The following ADARB1 variants were observed in gnomAD, a reference collection of about 807,000 sequenced individuals.
ADARB1 encodes adenosine deaminase RNA specific B1, also known as double-stranded RNA-specific editase 1.
ADARB1 carries 10 observed loss-of-function variants against 52.4 expected under a neutral mutation model. The ratio of observed to expected loss-of-function variants is 0.19; its 90% CI spans 0.12 to 0.32. The LOEUF (loss-of-function observed/expected upper bound fraction) is 0.32, where lower values mean the gene tolerates loss of function less well. Ranked by LOEUF, ADARB1 falls within the 10% of genes least tolerant of loss-of-function variation. The probability of loss-of-function intolerance (pLI) is 1.00; values close to 1 mark genes in which losing one functional copy is unlikely to be tolerated. For missense variants in ADARB1, 643 were observed against 922.3 expected (o/e 0.70, Z 3.92); for synonymous variants, 349 against 371.1 (o/e 0.94, Z 0.68).
At chr21:45,125,407 C>T (rs945236218) in intron 1 of ADARB1, among the ~76,000 whole-genome samples, 1 of 152,250 alleles carries the variant, frequency 6.6e-6, no homozygotes, top group Non-Finnish European at 1.5e-5. Flanking sequence ...TGGCTCCCGC[C>T]TGGGGCTGAC....
chr21:45,158,188 CTGCACAGCAGGGAGCA>C (rs1202859278), intron 2 of ADARB1, among the ~76,000 whole-genome samples: 1 of 152,194 alleles, frequency 6.6e-6, no homozygotes, highest in Non-Finnish European at 1.5e-5. Flanking sequence ...TTCCTGCACC[CTGCACAGCAGGGAGCA>C]TCCTCATTCT....
At chr21:45,115,646 G>GT (rs1262611241) in intron 1 of ADARB1, among the ~76,000 whole-genome samples, 5 of 152,152 alleles carry the variant, frequency 3.3e-5, no homozygotes, top group African/African-American at 1.2e-4. Context: ...TGTTTAACAT[G>GT]TTTACTATTT....
chr21:45,126,808 C>T (rs904327601), intron 1 of ADARB1, among the ~76,000 whole-genome samples: 1 of 152,220 alleles, frequency 6.6e-6, no homozygotes, highest in African/African-American at 2.4e-5. Context: ...CCAAAACCCA[C>T]TCTGCATATC....
At chr21:45,170,161 C>T (rs2091423009) in intron 2 of ADARB1, among the ~76,000 whole-genome samples, 1 of 152,368 alleles carries the variant, frequency 6.6e-6, no homozygotes, top group Middle Eastern at 3.4e-3. Flanking sequence ...TGTCTACACT[C>T]ATCTATGTTT....
Position 45,136,029 on chromosome 21 carries a change from C to T in ADARB1, c.-48+7456C>T, listed in dbSNP as rs147899842. Reference sequence around the variant, plus strand: ...GCAGGGACACAATGTGAGTCATATGCGCCTGTGTTCATCCTGTGGTGTCCC... The same window carrying T: ...GCAGGGACACAATGTGAGTCATATGTGCCTGTGTTCATCCTGTGGTGTCCC... On this transcript the variant is annotated intron_variant, in intron 2 of 10. Transcript: ENST00000348831. Among the ~76,000 whole-genome samples, 741 of 152,276 alleles carry T rather than the reference C, an allele frequency of 4.9e-3. 1 individual carries two copies. Among genetic ancestry groups the T allele is most frequent in the Non-Finnish European group, 8.1e-3 (552 of 68,026 alleles).
chr21:45,141,553 AAGGGTGATAGTCCCCCT>A (rs1352655583), intron 2 of ADARB1, among the ~76,000 whole-genome samples: 1 of 152,172 alleles, frequency 6.6e-6, no homozygotes, highest in African/African-American at 2.4e-5. Flanking sequence ...GCTGTCCTTC[AAGGGTGATAGTCCCCCT>A]AGGTTTGAGT....
intron 1 of ADARB1, chr21:45,101,188 C>T (rs1028110588): frequency 4.6e-5 from 7 of 152,336 alleles, no homozygotes; most frequent in African/African-American, 1.4e-4. Flanking sequence ...CCCCTGCCCA[C>T]GGCTGTTAAC....
At chr21:45,173,105 G>A (rs529339600) in intron 3 of ADARB1, among the ~76,000 whole-genome samples, 4 of 152,218 alleles carry the variant, frequency 2.6e-5, no homozygotes, top group Non-Finnish European at 5.9e-5. Flanking sequence ...ATAGACAGAG[G>A]CTTTGTGATC....
In ADARB1 at chr21:45,074,617, G is replaced by GGCGGCGGCGGCA. The variant is rs1289118271; in HGVS notation, c.-391_-390insGGCGGCAGCGGC. 2 of 149,536 alleles carry GGCGGCGGCGGCA rather than the reference G, an allele frequency of 1.3e-5. No individual in the cohort carries two copies. Among genetic ancestry groups the GGCGGCGGCGGCA allele is most frequent in the African/African-American group, 2.5e-5 (1 of 40,768 alleles). The allele number at this position is 149,536 out of a possible 1,614,324, so 9.3% of individuals were successfully genotyped here. On this transcript the variant is annotated 5_prime_UTR_variant, in exon 1 of 11. Coordinates refer to ENST00000348831, the MANE Select transcript of ADARB1 (RefSeq NM_001112.4). ...CGGCCGTGGCGGCGGCGGCGGCGGC[G>GGCGGCGGCGGCA]GCGGCAGCGGCGGCCAAGCGGCCAG...
At chr21:45,117,678 C>T (rs536274261) in intron 1 of ADARB1, among the ~76,000 whole-genome samples, 1 of 152,204 alleles carries the variant, frequency 6.6e-6, no homozygotes, top group Admixed American at 6.5e-5. Flanking sequence ...TATAGATGTA[C>T]TGCAGTTATT....
At chr21:45,098,406 G>C (rs1286507536) in intron 1 of ADARB1, among the ~76,000 whole-genome samples, 1 of 152,306 alleles carries the variant, frequency 6.6e-6, no homozygotes, top group South Asian at 2.1e-4. Flanking sequence ...CTTATTCCCA[G>C]CTGGTGGCTT....
At chr21:45,171,903 A>G (rs576825805) in intron 3 of ADARB1, 1 of 554,670 alleles carries the variant, frequency 1.8e-6, no homozygotes, top group South Asian at 2.2e-5. Context: ...GTCGTGGGGC[A>G]TCACTGTGCC....
rs148497525 is a variant in ADARB1, at chr21:45,075,703, C to T, written c.-220+910C>T. ...ACGTGTTGGAGTCCCGATTTACACG[C>T]TGGAAAACCTAACCTAAAACGTGTT... On this transcript the variant is annotated intron_variant, in intron 1 of 10. Coordinates refer to ENST00000348831, the MANE Select transcript of ADARB1 (RefSeq NM_001112.4). Among the ~76,000 whole-genome samples, 266 of 152,330 alleles carry T rather than the reference C, an allele frequency of 1.7e-3. 1 individual carries two copies. Among genetic ancestry groups the T allele is most frequent in the African/African-American group, 6.2e-3 (256 of 41,574 alleles).
At chr21:45,181,229 C>G (rs1011198668) in intron 5 of ADARB1, among the ~76,000 whole-genome samples, 1 of 152,234 alleles carries the variant, frequency 6.6e-6, no homozygotes, top group Non-Finnish European at 1.5e-5. Context: ...ACCCCCAGTT[C>G]TCGGTATGTG....
In ADARB1 at chr21:45,093,668, AG is replaced by A. The variant is rs1473925186; in HGVS notation, c.-220+18880del. Among the ~76,000 whole-genome samples, 7 of 152,252 alleles carry A rather than the reference AG, an allele frequency of 4.6e-5. No homozygotes were observed. The East Asian group carries it at 1.4e-3, about 29-fold the overall frequency. On this transcript the variant is annotated intron_variant, in intron 1 of 10. Transcript: ENST00000348831. ...GGAGGCATGGGTGCATCTTTTCTCC[AG>A]GGGGCTCCTCACCAGGGGTATGGGG...
intron 4 of ADARB1, among the ~76,000 whole-genome samples, chr21:45,179,801 T>C (rs867552228): frequency 6.6e-6 from 1 of 152,082 alleles, no homozygotes; most frequent in South Asian, 2.1e-4. Context: ...GTGGCTTCCT[T>C]CACTGGATCG....
chr21:45,115,537 A>G (rs2087780513), intron 1 of ADARB1, among the ~76,000 whole-genome samples: 1 of 152,254 alleles, frequency 6.6e-6, no homozygotes, highest in Non-Finnish European at 1.5e-5. Context: ...ATTAGCAGCC[A>G]GATCACTGAT....
chr21:45,208,651 AGTGT>A lies in ADARB1; in HGVS notation c.1747+3919_1747+3922del, dbSNP rs1389540582. ...GTGTGTGTGTGTGTGAGTGCATGTG[AGTGT>A]GTGCATGAGTGCGTGTGTGTATGAG... On this transcript the variant is annotated intron_variant, in intron 9 of 10. Transcript: ENST00000348831. This position sits in a 1 kb window ranked among gnomAD's most constrained non-coding sequence, Gnocchi z 5.6. Among the ~76,000 whole-genome samples, 4 of 150,410 alleles carry A rather than the reference AGTGT, an allele frequency of 2.7e-5. No individual in the cohort carries two copies. The highest frequency in any genetic ancestry group is 7.3e-5 in the African/African-American group (3 of 40,834).
chr21:45,193,802 CTG>C (rs1432242335), intron 8 of ADARB1, among the ~76,000 whole-genome samples: 8 of 152,214 alleles, frequency 5.3e-5, no homozygotes, highest in African/African-American at 9.7e-5. Context: ...ATATTGAAAA[CTG>C]TAACACATTG....
Sources: gnomAD v4.1 joint callset for allele counts (sites outside exome capture counted in the v4.1 genomes callset) on GRCh38, gnomAD v4.1.1 for gene constraint, Gnocchi (gnomAD v3.1) non-coding constraint, MANE v1.5 for transcripts, NCBI Gene and HGNC (gene_info 2026-07-23, HGNC 2026-07-21) for gene names.